The following ADK variants were observed in gnomAD, a reference collection of about 807,000 sequenced individuals.
ADK encodes the protein adenosine kinase.
In ADK, 24 loss-of-function variants were observed where a neutral mutation model predicts 44.7. That is an observed-to-expected ratio of 0.54 (90% CI 0.39 to 0.76). The LOEUF is 0.76. Ranked by LOEUF, ADK falls within the 30% of genes least tolerant of loss-of-function variation. The pLI, the probability that ADK is intolerant of heterozygous loss-of-function variation, is 0.00. For missense variants in ADK, 321 were observed against 425.1 expected (o/e 0.76, Z 2.15); for synonymous variants, 128 against 142.6 (o/e 0.90, Z 0.73).
At chr10:74,414,671 G>T (rs554265220) in intron 6 of ADK, among the ~76,000 whole-genome samples, 62 of 152,136 alleles carry the variant, frequency 4.1e-4, no homozygotes, top group African/African-American at 1.4e-3. Context: ...GGAGGCAGAG[G>T]TTGCACTCCT....
At chr10:74,679,301 G>T (rs949095021) in intron 10 of ADK, among the ~76,000 whole-genome samples, 8 of 152,182 alleles carry the variant, frequency 5.3e-5, no homozygotes, top group African/African-American at 1.9e-4. Flanking sequence ...ATGTAAAAAG[G>T]CAGGGGCAAG....
At chr10:74,589,240 G>T in intron 7 of ADK, 42 bp from the exon 8 acceptor site, 2 of 1,584,826 alleles carry the variant, frequency 1.3e-6, no homozygotes, top group South Asian at 2.2e-5. Context: ...CTTCATTACC[G>T]AGCACTTTAT....
At chr10:74,451,747 C>A (rs1845790358) in intron 6 of ADK, among the ~76,000 whole-genome samples, 2 of 152,046 alleles carry the variant, frequency 1.3e-5, no homozygotes, top group East Asian at 3.8e-4. Flanking sequence ...GTAATTCATT[C>A]TCTTTTTACA....
intron 4 of ADK, among the ~76,000 whole-genome samples, chr10:74,383,241 G>A (rs1443837762): frequency 6.6e-6 from 1 of 152,106 alleles, no homozygotes; most frequent in African/African-American, 2.4e-5. Flanking sequence ...CCTCTAGATA[G>A]AGTATATGCA....
At chr10:74,326,433 A>C (rs1044568435) in intron 4 of ADK, among the ~76,000 whole-genome samples, 17 of 17,834 alleles carry the variant, frequency 9.5e-4, no homozygotes, top group Non-Finnish European at 2.1e-4. Flanking sequence ...TGTTTCTACA[A>C]AAAAAAAAAA....
At chr10:74,464,782 A>G (rs901052464) in intron 6 of ADK, among the ~76,000 whole-genome samples, 1 of 152,034 alleles carries the variant, frequency 6.6e-6, no homozygotes, top group African/African-American at 2.4e-5. Context: ...CAACAGTTTG[A>G]TGCTACAGTG....
chr10:74,398,114 A>C (rs1435732402), intron 5 of ADK, among the ~76,000 whole-genome samples: 1 of 152,144 alleles, frequency 6.6e-6, no homozygotes, highest in African/African-American at 2.4e-5. Flanking sequence ...CTACTTAAAA[A>C]ATGTTTTTAG....
intron 9 of ADK, among the ~76,000 whole-genome samples, chr10:74,603,556 G>A (rs1374521542): frequency 6.6e-6 from 1 of 152,146 alleles, no homozygotes; most frequent in African/African-American, 2.4e-5. Flanking sequence ...ATGGTTTCCA[G>A]CTTCATCCAT....
chr10:74,622,488 A>C (rs192057799), intron 9 of ADK, among the ~76,000 whole-genome samples: 1 of 152,250 alleles, frequency 6.6e-6, no homozygotes, highest in Admixed American at 6.5e-5. Flanking sequence ...ACTACAAGCT[A>C]TGGCATTAGA....
At position 74,455,996 on chromosome 10, in the gene ADK, C is replaced by G. The variant is rs571592123; in HGVS notation, c.555+57417C>G. Reference sequence around the variant, plus strand: ...CATTGTGTCTGGGGGTTGTTCTTCTCGATATGTATGCACCCAATACAGGAG... The same window carrying G: ...CATTGTGTCTGGGGGTTGTTCTTCTGGATATGTATGCACCCAATACAGGAG... On this transcript the variant is annotated intron_variant, in intron 6 of 10. Transcript: ENST00000539909. 7.9e-5 allele frequency among the ~76,000 whole-genome samples: 12 copies of G among 152,072 alleles called. No homozygotes were observed. The South Asian group carries it at 2.5e-3, about 32-fold the overall frequency.
chr10:74,590,009 T>C (rs1452000433), intron 8 of ADK, among the ~76,000 whole-genome samples: 1 of 152,210 alleles, frequency 6.6e-6, no homozygotes, highest in Non-Finnish European at 1.5e-5. Flanking sequence ...CAAAACTCCA[T>C]GTGGTTGTTG....
At chr10:74,352,889 G>A (rs957269290) in intron 4 of ADK, among the ~76,000 whole-genome samples, 1 of 152,156 alleles carries the variant, frequency 6.6e-6, no homozygotes, top group Non-Finnish European at 1.5e-5. Context: ...AGTTAGAATG[G>A]CGATCATTAA....
chr10:74,271,569 C>A (rs1444607717), intron 3 of ADK, among the ~76,000 whole-genome samples: 1 of 22,416 alleles, frequency 4.5e-5, no homozygotes, highest in Admixed American at 6.5e-4. Context: ...CCCCTCCCCC[C>A]ACCCCACAAC....
intron 7 of ADK, among the ~76,000 whole-genome samples, chr10:74,577,108 C>CTGTG (rs1194977442): frequency 3.6e-4 from 34 of 93,252 alleles, no homozygotes; most frequent in South Asian, 1.6e-3. Context: ...TGTATTATTT[C>CTGTG]TCTGTGTGTG....
intron 1 of ADK, among the ~76,000 whole-genome samples, chr10:74,173,174 G>GCTC (rs1011736604): frequency 2.0e-5 from 3 of 148,838 alleles, no homozygotes; most frequent in Non-Finnish European, 4.4e-5. Flanking sequence ...CTCACTGCAA[G>GCTC]CTCCACCTTG....
chr10:74,163,715 C>G (rs533178886), intron 1 of ADK, among the ~76,000 whole-genome samples: 1 of 152,284 alleles, frequency 6.6e-6, no homozygotes, highest in South Asian at 2.1e-4. Flanking sequence ...CTGTTTCCTT[C>G]TTAGCCCTAG....
At chr10:74,624,096 T>C (rs1436602556) in intron 9 of ADK, among the ~76,000 whole-genome samples, 1 of 152,192 alleles carries the variant, frequency 6.6e-6, no homozygotes, top group East Asian at 1.9e-4. Flanking sequence ...AGGAATAAAC[T>C]GGTTACACGT....
At chr10:74,239,747 A>G (rs1845128890) in intron 3 of ADK, among the ~76,000 whole-genome samples, 1 of 149,226 alleles carries the variant, frequency 6.7e-6, no homozygotes, top group Non-Finnish European at 1.5e-5. Context: ...AAAAAGACAC[A>G]ATAAAAGTAA....
At chr10:74,406,615 T>G (rs917208187) in intron 6 of ADK, among the ~76,000 whole-genome samples, 1 of 151,752 alleles carries the variant, frequency 6.6e-6, no homozygotes, top group South Asian at 2.1e-4. Context: ...TTCAATATTT[T>G]TGTTTTTCTA....
Sources: allele counts gnomAD v4.1 joint callset (sites outside exome capture counted in the v4.1 genomes callset), GRCh38; gene constraint gnomAD v4.1.1; transcripts MANE v1.5; gene names NCBI Gene and HGNC (gene_info 2026-07-23, HGNC 2026-07-21).